NEGR1: variants seen among roughly 807,000 people sequenced by gnomAD.
NEGR1 encodes the protein neuronal growth regulator 1.
NEGR1 carries 10 observed loss-of-function variants against 40.9 expected under a neutral mutation model. The ratio of observed to expected loss-of-function variants is 0.24; its 90% CI spans 0.15 to 0.42. The LOEUF (loss-of-function observed/expected upper bound fraction) is 0.42. Among genes scored for constraint, NEGR1 ranks in the 10% least tolerant of loss-of-function variants. The pLI is 1.00. For synonymous variants in NEGR1, 185 were observed against 166.8 expected (o/e 1.11, Z -0.84); for missense variants, 352 against 438.9 (o/e 0.80, Z 1.77).
chr1:72,091,144 G>A (rs1648473813), intron 1 of NEGR1, among the ~76,000 whole-genome samples: 2 of 152,092 alleles, frequency 1.3e-5, no homozygotes, highest in Admixed American at 1.3e-4. Flanking sequence ...TTTTACTAGG[G>A]ACTGGGGATG....
chr1:71,969,784 C>T (rs1483694931), intron 1 of NEGR1, among the ~76,000 whole-genome samples: 1 of 152,170 alleles, frequency 6.6e-6, no homozygotes, highest in East Asian at 1.9e-4. Context: ...AAGCATTGCA[C>T]TGAAAAGTCA....
chr1:72,218,192 A>G (rs538695542), intron 1 of NEGR1, among the ~76,000 whole-genome samples: 88 of 151,920 alleles, frequency 5.8e-4, no homozygotes, highest in Non-Finnish European at 1.2e-3. Flanking sequence ...AGGATGACCT[A>G]TTGTGACACA....
chr1:71,553,629 A>G lies in NEGR1; in HGVS notation c.940+39188T>C, dbSNP rs1570022460. 3.3e-5 allele frequency among the ~76,000 whole-genome samples: 5 copies of G among 151,710 alleles called. No individual in the cohort carries two copies. In the South Asian group the frequency reaches 1.0e-3, roughly 31 times the overall value. On this transcript the variant is annotated intron_variant, in intron 6 of 6. Coordinates refer to ENST00000357731, the MANE Select transcript of NEGR1 (RefSeq NM_173808.3). ...AGCTGAGAAATGATTCATCTGAAAT[A>G]TATTGCTATAACAGTATCTATCCTT...
chr1:71,507,447 G>T (rs894347398), intron 6 of NEGR1, among the ~76,000 whole-genome samples: 1 of 152,142 alleles, frequency 6.6e-6, no homozygotes, highest in Admixed American at 6.5e-5. Context: ...TGCAATACTC[G>T]GGAATTATGG....
At chr1:71,641,334 G>A (rs923731921) in intron 4 of NEGR1, among the ~76,000 whole-genome samples, 1 of 152,024 alleles carries the variant, frequency 6.6e-6, no homozygotes, top group Admixed American at 6.6e-5. Flanking sequence ...ACGAAAGGTT[G>A]AGAAGGTACA....
rs756076229 is a variant in NEGR1, at chr1:71,597,472, C to CTCTCTGTGTGTGTG, written c.789-4505_789-4504insCACACACACAGAGA. Among the ~76,000 whole-genome samples the CTCTCTGTGTGTGTG allele has an allele frequency of 8.2e-3, 256 of 31,330 alleles. 4 individuals are homozygous for CTCTCTGTGTGTGTG. Among genetic ancestry groups the CTCTCTGTGTGTGTG allele is most frequent in the East Asian group, 0.04 (41 of 1,030 alleles). The allele number at this position is 31,330 out of a possible 152,430, so 20.6% of individuals were successfully genotyped here. On this transcript the variant is annotated intron_variant, in intron 5 of 6. Transcript: ENST00000357731. The stretch of plus-strand genomic sequence containing the variant: ...TCTCTCTCTCTCTCTCTCTCTCTCT[C>CTCTCTGTGTGTGTG]TGTGTGTGTGTGTGTGTGTGTGTGT...
At chr1:71,549,425 C>A (rs746222881) in intron 6 of NEGR1, among the ~76,000 whole-genome samples, 7 of 151,670 alleles carry the variant, frequency 4.6e-5, no homozygotes, top group Non-Finnish European at 8.9e-5. Flanking sequence ...GCCCCACGAT[C>A]AAAATTGCTC....
chr1:72,025,886 C>T (rs552363815), intron 1 of NEGR1, among the ~76,000 whole-genome samples: 6 of 151,540 alleles, frequency 4.0e-5, no homozygotes, highest in South Asian at 4.2e-4. Flanking sequence ...CCGAGGCGGG[C>T]GGATCACGAG....
intron 6 of NEGR1, among the ~76,000 whole-genome samples, chr1:71,506,414 C>T (rs899840592): frequency 6.6e-5 from 10 of 151,976 alleles, no homozygotes; most frequent in South Asian, 2.1e-4. Flanking sequence ...TGGAGGTGGC[C>T]GAAATGTGTG....
chr1:71,847,055 C>T (rs1659442459), intron 2 of NEGR1, among the ~76,000 whole-genome samples: 1 of 152,116 alleles, frequency 6.6e-6, no homozygotes, highest in Non-Finnish European at 1.5e-5. Context: ...TTTCACATTA[C>T]TACTCTGTAT....
chr1:71,687,125 C>T (rs770789339), intron 4 of NEGR1, among the ~76,000 whole-genome samples: 22 of 152,122 alleles, frequency 1.4e-4, no homozygotes, highest in Non-Finnish European at 8.8e-5. Context: ...CATTAGGCTA[C>T]GATGTCTCAT....
chr1:71,900,489 A>G (rs1355709019), intron 2 of NEGR1, among the ~76,000 whole-genome samples: 1 of 152,196 alleles, frequency 6.6e-6, no homozygotes, highest in Non-Finnish European at 1.5e-5. Context: ...TTTTGAAAAA[A>G]GAAATAGTTC....
intron 6 of NEGR1, among the ~76,000 whole-genome samples, chr1:71,588,772 C>G (rs1447761962): frequency 2.0e-5 from 3 of 152,068 alleles, no homozygotes; most frequent in African/African-American, 7.2e-5. Context: ...AAGAGGCAAA[C>G]AAGCTGAAAA....
In NEGR1 at chr1:72,106,631, C is replaced by T. The variant is rs1337677873; in HGVS notation, c.177-171320G>A. 4.6e-5 allele frequency among the ~76,000 whole-genome samples: 7 copies of T among 151,938 alleles called. No homozygotes were observed. The East Asian group carries it at 1.4e-3, about 30-fold the overall frequency. On this transcript the variant is annotated intron_variant, in intron 1 of 6. Transcript: ENST00000357731. ...ACAGATTACAAATTTATTCCTATTG[C>T]CTTGAATGAAAAACTAATAATAGAA...
intron 2 of NEGR1, among the ~76,000 whole-genome samples, chr1:71,832,737 C>T (rs1038027792): frequency 5.3e-5 from 8 of 151,932 alleles, no homozygotes; most frequent in African/African-American, 1.7e-4. Context: ...AAAGTCAAGG[C>T]CCAATTAGGC....
chr1:72,079,779 A>G (rs1259991823), intron 1 of NEGR1, among the ~76,000 whole-genome samples: 1 of 152,134 alleles, frequency 6.6e-6, no homozygotes, highest in African/African-American at 2.4e-5. Context: ...ATACTAAAAG[A>G]TGTTTCTATG....
intron 3 of NEGR1, among the ~76,000 whole-genome samples, chr1:71,763,908 G>A (rs1287423597): frequency 6.6e-6 from 1 of 151,852 alleles, no homozygotes; most frequent in Non-Finnish European, 1.5e-5. Flanking sequence ...AGGAATCAAA[G>A]ACAAAGAGGA....
intron 6 of NEGR1, among the ~76,000 whole-genome samples, chr1:71,530,570 T>C (rs772482347): frequency 1.4e-4 from 21 of 151,386 alleles, no homozygotes; most frequent in Non-Finnish European, 2.7e-4. Context: ...ACTTGTTTTT[T>C]ATCTTTCAAT....
chr1:71,421,351 G>C (rs1646392326), intron 6 of NEGR1: 1 of 152,030 alleles, frequency 6.6e-6, no homozygotes, highest in Admixed American at 6.5e-5. Flanking sequence ...GTTGGTGTTT[G>C]TTTTAATTTT....
Sources: allele counts gnomAD v4.1 joint callset (sites outside exome capture counted in the v4.1 genomes callset), GRCh38; gene constraint gnomAD v4.1.1; transcripts MANE v1.5; gene names NCBI Gene and HGNC (gene_info 2026-07-23, HGNC 2026-07-21).